WDR1: variants seen among roughly 807,000 people sequenced by gnomAD.
The protein encoded by WDR1 is WD repeat domain 1, also known as WD repeat-containing protein 1.
WDR1 carries 21 observed loss-of-function variants against 71.9 expected under a neutral mutation model. That is an observed-to-expected ratio of 0.29 (90% confidence interval 0.21 to 0.42). The LOEUF is 0.42. WDR1 is among the 10% of genes least tolerant of loss of function. The pLI is 1.00. For missense variants in WDR1, 696 were observed against 824.5 expected (o/e 0.84, Z 1.91); for synonymous variants, 424 against 347.4 (o/e 1.22, Z -2.45).
chr4:10,079,067 A>T (rs928983946), intron 11 of WDR1, 66 bp from the exon 12 acceptor site: 1 of 1,348,548 alleles, frequency 7.4e-7, no homozygotes, highest in African/African-American at 1.5e-5. Context: ...CAGTGGTAGG[A>T]GGGGCGCGTC....
intron 12 of WDR1, among the ~76,000 whole-genome samples, 166 bp from the exon 13 acceptor site, chr4:10,078,092 T>C (rs1252311781): frequency 6.6e-6 from 1 of 152,198 alleles, no homozygotes; most frequent in African/African-American, 2.4e-5. Flanking sequence ...TGGATGGGCC[T>C]GAAACCTACG....
intron 5 of WDR1, chr4:10,093,035 C>T (rs1560536819): frequency 4.4e-5 from 56 of 1,287,342 alleles, no homozygotes; most frequent in Non-Finnish European, 5.6e-5. Context: ...CAATATGCTC[C>T]CTCTCACCAC....
chr4:10,112,101 T>C (rs1713409715), intron 2 of WDR1, among the ~76,000 whole-genome samples: 1 of 152,008 alleles, frequency 6.6e-6, no homozygotes, highest in Non-Finnish European at 1.5e-5. Flanking sequence ...CTGGCACTAC[T>C]GGCATTTTAG....
intron 5 of WDR1, 56 bp from the exon 6 acceptor site, chr4:10,088,797 A>G: frequency 7.5e-7 from 1 of 1,330,360 alleles, no homozygotes; most frequent in South Asian, 1.3e-5. Flanking sequence ...CTCTAGGTTC[A>G]AGAATGCTCT....
intron 2 of WDR1, among the ~76,000 whole-genome samples, chr4:10,112,227 A>G (rs1489172781): frequency 6.6e-6 from 1 of 152,154 alleles, no homozygotes; most frequent in Non-Finnish European, 1.5e-5. Flanking sequence ...CATAAGAGGC[A>G]GAGGTGATGC....
chr4:10,114,298 A>G (rs777366914), intron 2 of WDR1, among the ~76,000 whole-genome samples: 1 of 152,240 alleles, frequency 6.6e-6, no homozygotes, highest in African/African-American at 2.4e-5. Context: ...AGAAACAGGC[A>G]GAATGGGTTT....
intron 3 of WDR1, among the ~76,000 whole-genome samples, chr4:10,100,825 C>G (rs1205818555): frequency 6.6e-6 from 1 of 152,226 alleles, no homozygotes; most frequent in Non-Finnish European, 1.5e-5. Context: ...CGGAGGGGAG[C>G]ACTGTGTGTG....
intron 11 of WDR1, among the ~76,000 whole-genome samples, chr4:10,079,244 T>A (rs1764920405): frequency 6.6e-6 from 1 of 152,230 alleles, no homozygotes; most frequent in Admixed American, 6.5e-5. Context: ...CTGTCATCAC[T>A]ACATTACTTC....
In WDR1 at chr4:10,088,360, T is replaced by G; in HGVS notation, c.650A>C (p.Asp217Ala). The G allele has an allele frequency of 6.4e-7, 1 of 1,557,828 alleles. No homozygotes were observed. The highest frequency in any genetic ancestry group is 8.7e-7 in the Non-Finnish European group (1 of 1,150,284). Residue 217 changes from aspartate (D) to alanine (A), a missense_variant, in exon 7 of 15, where the codon GAC (aspartate) becomes GCC (alanine). Coordinates refer to ENST00000499869, the MANE Select transcript of WDR1 (RefSeq NM_017491.5). ...GCACACCTTCTCCCCAGTCTTCCCG[T>G]CATAGATGTATATCTTCCAAGAAAT... Reference protein sequence around the residue: ...ASADGQIYIYDGKTGEKVCAL... With the variant: ...ASADGQIYIYAGKTGEKVCAL...
chr4:10,081,927 T>C (rs1189501720), intron 10 of WDR1, among the ~76,000 whole-genome samples: 1 of 152,222 alleles, frequency 6.6e-6, no homozygotes, highest in African/African-American at 2.4e-5. Flanking sequence ...CTAGAAAGAC[T>C]CATACACACA....
intron 1 of WDR1, 32 bp downstream of exon 1, chr4:10,116,619 G>T: frequency 8.2e-7 from 1 of 1,214,240 alleles, no homozygotes; most frequent in Non-Finnish European, 1.0e-6. Context: ...CAGCGCGGCG[G>T]CCGCTCGGGG....
At chr4:10,096,364 G>C (rs1241335396) in intron 5 of WDR1, 2 of 152,298 alleles carry the variant, frequency 1.3e-5, no homozygotes, top group African/African-American at 2.4e-5. Flanking sequence ...AAGAAACATG[G>C]CCTGAAGCCA....
intron 1 of WDR1, 23 bp from the exon 2 acceptor site, chr4:10,116,257 G>A (rs1163236724): frequency 6.8e-6 from 11 of 1,612,694 alleles, no homozygotes; most frequent in Non-Finnish European, 8.5e-6. Flanking sequence ...AAATGCGGCG[G>A]GGCATGTCAG....
rs1464898808 is a variant in WDR1 at position 10,084,482 on chromosome 4, T to G, written c.1000A>C (p.Lys334Gln). The G allele has an allele frequency of 3.7e-6, 6 of 1,613,804 alleles. No homozygotes were observed. Among genetic ancestry groups the G allele is most frequent in the Admixed American group, 1.7e-5 (1 of 60,014 alleles). ...QCLTVHKNGG[K>Q]SYIYSGSHDG... Reference sequence around the variant, plus strand: ...TGGCTCCCAGAGTAAATGTAGGACTTGCCGCCGTTTTTATGCACCGTCAGA... The same window carrying G: ...TGGCTCCCAGAGTAAATGTAGGACTGGCCGCCGTTTTTATGCACCGTCAGA... The change falls in exon 9 of 15, where the codon AAG becomes CAG. Residue 334 changes from lysine (K) to glutamine (Q), a missense_variant. By Grantham distance (53) the Lys-to-Gln change is moderately conservative. Transcript: ENST00000499869.
chr4:10,087,677 G>T (rs749023822), intron 8 of WDR1, 30 bp downstream of exon 8: 2 of 1,544,734 alleles, frequency 1.3e-6, no homozygotes, highest in East Asian at 4.8e-5. Context: ...TCCACCCAGC[G>T]GGCAGAGCCT....
intron 5 of WDR1, among the ~76,000 whole-genome samples, chr4:10,090,465 T>TCGTAGAGAGGCCACTCCC (rs1711895144): frequency 6.6e-6 from 1 of 152,206 alleles, no homozygotes; most frequent in South Asian, 2.1e-4. Context: ...CAGGCAGTTC[T>TCGTAGAGAGGCCACTCCC]CGTAGAGAGG....
intron 5 of WDR1, 137 bp downstream of exon 5, chr4:10,097,574 C>A (rs962871785): frequency 2.8e-6 from 3 of 1,073,330 alleles, no homozygotes; most frequent in Non-Finnish European, 3.9e-6. Context: ...CTCTGCACAC[C>A]CCTGGGAGCC....
chr4:10,100,078 C>G (rs1029131025), intron 3 of WDR1, among the ~76,000 whole-genome samples: 7 of 152,228 alleles, frequency 4.6e-5, no homozygotes, highest in Non-Finnish European at 5.9e-5. Context: ...GCTTTAAAAC[C>G]TCAGCCCCAT....
At chr4:10,086,240 C>T (rs535807216) in intron 8 of WDR1, among the ~76,000 whole-genome samples, 7 of 152,340 alleles carry the variant, frequency 4.6e-5, no homozygotes, top group Middle Eastern at 3.4e-3. Flanking sequence ...ACAACCTCCT[C>T]GGCCCCATGC....
Sources: gnomAD v4.1 joint callset for allele counts (sites outside exome capture counted in the v4.1 genomes callset) on GRCh38, gnomAD v4.1.1 for gene constraint, MANE v1.5 for transcripts, NCBI Gene and HGNC (gene_info 2026-07-23, HGNC 2026-07-21) for gene names.